TWSG1: variants seen among roughly 807,000 people sequenced by gnomAD.
The protein encoded by TWSG1 is twisted gastrulation protein homolog 1.
TWSG1 carries 15 observed loss-of-function variants against 23.0 expected under a neutral mutation model. That is an observed-to-expected ratio of 0.65 (90% CI 0.44 to 1.00). The LOEUF (loss-of-function observed/expected upper bound fraction) is 1.00. Ranked by LOEUF, TWSG1 falls within the 50% of genes least tolerant of loss-of-function variation. TWSG1 has a pLI of 0.00. For synonymous variants in TWSG1, 86 were observed against 92.8 expected, an observed-to-expected ratio of 0.93 and a Z score of 0.42; for missense variants, 242 against 278.7, an observed-to-expected ratio of 0.87 and a Z score of 0.94.
intron 4 of TWSG1, 116 bp from the exon 5 acceptor site, chr18:9,399,230 A>G: frequency 1.6e-6 from 1 of 629,962 alleles, no homozygotes; most frequent in East Asian, 2.9e-5. Flanking sequence ...TCATGTACAG[A>G]CCAGTAATAA....
intron 2 of TWSG1, among the ~76,000 whole-genome samples, chr18:9,349,132 A>T (rs1377604491): frequency 6.6e-6 from 1 of 152,190 alleles, no homozygotes; most frequent in East Asian, 1.9e-4. Flanking sequence ...GGGTTTAGTT[A>T]TCCTGTTTCA....
intron 2 of TWSG1, among the ~76,000 whole-genome samples, chr18:9,354,910 G>A (rs553911501): frequency 3.4e-4 from 51 of 151,944 alleles, no homozygotes; most frequent in African/African-American, 1.0e-3. Flanking sequence ...TAGCCTTTCT[G>A]GTTATAGAAG....
intron 2 of TWSG1, among the ~76,000 whole-genome samples, chr18:9,342,012 CATTCTGATGGGCTACTTTTGGA>C (rs992423773): frequency 1.1e-4 from 17 of 152,144 alleles, no homozygotes; most frequent in Admixed American, 8.5e-4. Context: ...CTACTTTTGG[CATTCTGATGGGCTACTTTTGGA>C]ATTCTGATGG....
At chr18:9,373,077 C>A (rs949127875) in intron 3 of TWSG1, among the ~76,000 whole-genome samples, 2 of 152,102 alleles carry the variant, frequency 1.3e-5, no homozygotes, top group African/African-American at 2.4e-5. Flanking sequence ...ACAATGGTAA[C>A]ACTAATCGAA....
intron 3 of TWSG1, among the ~76,000 whole-genome samples, chr18:9,361,527 C>G (rs1336045825): frequency 1.3e-5 from 2 of 152,200 alleles, no homozygotes; most frequent in African/African-American, 4.8e-5. Flanking sequence ...GCCTTTTTCA[C>G]TGACGAGCCC....
chr18:9,344,517 G>GTGTCTGTA (rs1555650748), intron 2 of TWSG1, among the ~76,000 whole-genome samples: 2 of 105,760 alleles, frequency 1.9e-5, no homozygotes, highest in Non-Finnish European at 3.6e-5. Context: ...GTGTGTGTGT[G>GTGTCTGTA]TGTGTATGTA....
At chr18:9,373,987 T>C (rs1446049876) in intron 3 of TWSG1, among the ~76,000 whole-genome samples, 1 of 152,204 alleles carries the variant, frequency 6.6e-6, no homozygotes, top group East Asian at 1.9e-4. Flanking sequence ...AAGAGGAATT[T>C]AAACCTTTTG....
At chr18:9,341,435 C>G (rs754881298) in intron 2 of TWSG1, among the ~76,000 whole-genome samples, 42 of 152,140 alleles carry the variant, frequency 2.8e-4, no homozygotes, top group Non-Finnish European at 1.8e-4. Context: ...TCTCCCTACT[C>G]ATTCTATTAC....
chr18:9,377,508 C>A (rs1369795320), intron 3 of TWSG1, among the ~76,000 whole-genome samples: 1 of 151,766 alleles, frequency 6.6e-6, no homozygotes, highest in East Asian at 2.0e-4. Flanking sequence ...CATGAGCCAC[C>A]GCGCCTGGCC....
rs551235842 is a variant in TWSG1 at position 9,400,503 on chromosome 18, C to T, written c.*976C>T. 7 of 152,176 alleles carry T rather than the reference C, an allele frequency of 4.6e-5. No individual in the cohort carries two copies. The highest frequency in any genetic ancestry group is 3.9e-4 in the East Asian group (2 of 5,188). 9.4% of individuals were successfully genotyped at this position (152,176 alleles called of 1,614,324 possible). Reference sequence around the variant, plus strand: ...AGACAAAGCAGTGTTTTTCAGCAGACGGCTGATGGGACAGGAATTGAAGAA... The same window carrying T: ...AGACAAAGCAGTGTTTTTCAGCAGATGGCTGATGGGACAGGAATTGAAGAA... On this transcript the variant is annotated 3_prime_UTR_variant, in exon 5 of 5. Coordinates refer to ENST00000262120, the MANE Select transcript of TWSG1 (RefSeq NM_020648.6).
chr18:9,379,243 A>G (rs2040645222), intron 3 of TWSG1, among the ~76,000 whole-genome samples: 1 of 152,240 alleles, frequency 6.6e-6, no homozygotes, highest in Non-Finnish European at 1.5e-5. Context: ...TGTTCACAAT[A>G]GCAAAGACAT....
At chr18:9,358,236 G>A (rs1021060862) in intron 2 of TWSG1, among the ~76,000 whole-genome samples, 2 of 151,926 alleles carry the variant, frequency 1.3e-5, no homozygotes, top group Admixed American at 1.3e-4. Context: ...TTGGAAAGTA[G>A]GAATGGGGGG....
intron 3 of TWSG1, among the ~76,000 whole-genome samples, chr18:9,376,832 CAAA>C (rs59781624): frequency 7.9e-5 from 8 of 100,786 alleles, no homozygotes; most frequent in Non-Finnish European, 8.0e-5. Context: ...ACCCTGTCTC[CAAA>C]AAAAAAAAAA....
intron 2 of TWSG1, among the ~76,000 whole-genome samples, chr18:9,339,025 C>G (rs891366091): frequency 1.3e-5 from 2 of 151,886 alleles, no homozygotes; most frequent in African/African-American, 4.8e-5. Flanking sequence ...ACAGTGAGAC[C>G]CTGTCTCTAC....
chr18:9,354,641 G>C (rs1206123255), intron 2 of TWSG1, among the ~76,000 whole-genome samples: 1 of 152,192 alleles, frequency 6.6e-6, no homozygotes, highest in Admixed American at 6.5e-5. Context: ...TTTAATCACT[G>C]TTTCTGAATT....
chr18:9,352,348 G>A (rs1027749919), intron 2 of TWSG1, among the ~76,000 whole-genome samples: 3 of 152,114 alleles, frequency 2.0e-5, no homozygotes, highest in African/African-American at 2.4e-5. Flanking sequence ...TGGACCTTGC[G>A]TGGTTTCCAG....
chr18:9,342,340 C>T (rs550950130), intron 2 of TWSG1, among the ~76,000 whole-genome samples: 2 of 152,166 alleles, frequency 1.3e-5, no homozygotes, highest in African/African-American at 2.4e-5. Context: ...ATGCCTGGCA[C>T]GTGAGTGCAC....
chr18:9,371,141 T>G (rs1356193887), intron 3 of TWSG1, among the ~76,000 whole-genome samples: 2 of 152,144 alleles, frequency 1.3e-5, no homozygotes, highest in Non-Finnish European at 2.9e-5. Context: ...TTAAAATTGC[T>G]TATAAAAGTC....
intron 3 of TWSG1, among the ~76,000 whole-genome samples, chr18:9,379,594 T>C (rs1258827084): frequency 1.3e-5 from 2 of 152,144 alleles, no homozygotes; most frequent in Admixed American, 6.5e-5. Context: ...TGAAATAACC[T>C]GTACACCAAA....
Sources: gnomAD v4.1 joint callset for allele counts (sites outside exome capture counted in the v4.1 genomes callset) on GRCh38, gnomAD v4.1.1 for gene constraint, MANE v1.5 for transcripts, NCBI Gene and HGNC (gene_info 2026-07-23, HGNC 2026-07-21) for gene names.